Variants in SH3GL3 observed in about 807,000 individuals in gnomAD.
SH3GL3 encodes the protein endophilin-A3.
Under a neutral mutation model 47.7 loss-of-function variants are expected in SH3GL3, and 33 were observed. The ratio of observed to expected loss-of-function variants is 0.69; its 90% CI spans 0.52 to 0.92. The LOEUF (loss-of-function observed/expected upper bound fraction) is 0.92, where lower values mean the gene tolerates loss of function less well. Ranked by LOEUF, SH3GL3 falls within the 40% of genes least tolerant of loss-of-function variation. The pLI, the probability that SH3GL3 is intolerant of heterozygous loss-of-function variation, is 0.00. For missense variants in SH3GL3, 363 were observed against 417.8 expected, an observed-to-expected ratio of 0.87 and a Z score of 1.14; for synonymous variants, 155 against 148.8, an observed-to-expected ratio of 1.04 and a Z score of -0.30.
chr15:83,517,322 A>G (rs933664255), intron 1 of SH3GL3, among the ~76,000 whole-genome samples: 3 of 149,632 alleles, frequency 2.0e-5, no homozygotes, highest in African/African-American at 7.4e-5. Context: ...CTTCTGTCTC[A>G]GCCACCCGAG....
At chr15:83,466,880 C>G (rs1006186372) in intron 1 of SH3GL3, among the ~76,000 whole-genome samples, 1 of 152,144 alleles carries the variant, frequency 6.6e-6, no homozygotes, top group African/African-American at 2.4e-5. Context: ...ATATCTTTAG[C>G]CTGTTTTCTA....
intron 2 of SH3GL3, among the ~76,000 whole-genome samples, chr15:83,560,172 G>A (rs1190335221): frequency 1.3e-5 from 2 of 152,166 alleles, no homozygotes; most frequent in Admixed American, 6.5e-5. Context: ...ACCCTCAGGT[G>A]TAACATCAAG....
At chr15:83,623,661 G>C (rs2060920939), downstream of SH3GL3, among the ~76,000 whole-genome samples, 1 of 152,244 alleles carries the variant, frequency 6.6e-6, no homozygotes, top group Non-Finnish European at 1.5e-5. Context: ...TAAAGAAGTA[G>C]GGATATTAAT....
At chr15:83,593,086 T>C (rs184973853) in intron 8 of SH3GL3, among the ~76,000 whole-genome samples, 22 of 152,368 alleles carry the variant, frequency 1.4e-4, no homozygotes, top group Non-Finnish European at 2.9e-5. Flanking sequence ...ACAATTGTTG[T>C]CTTGATGACT....
intron 1 of SH3GL3, among the ~76,000 whole-genome samples, chr15:83,478,939 A>G (rs1426498219): frequency 1.3e-5 from 2 of 152,246 alleles, no homozygotes; most frequent in African/African-American, 2.4e-5. Flanking sequence ...CAAATGTTAT[A>G]AGCTTCATCC....
At chr15:83,550,135 TGA>T in intron 1 of SH3GL3, among the ~76,000 whole-genome samples, 1 of 152,328 alleles carries the variant, frequency 6.6e-6, no homozygotes, top group Admixed American at 6.5e-5. Flanking sequence ...CCTTTACTAT[TGA>T]TACTTAAAAT....
chr15:83,536,390 C>CT (rs750149499), intron 1 of SH3GL3, among the ~76,000 whole-genome samples: 1 of 109,788 alleles, frequency 9.1e-6, no homozygotes, highest in Non-Finnish European at 2.2e-5. Context: ...TTTTCTTTTT[C>CT]TTTTCTTTTC....
At chr15:83,533,726 T>A (rs1053027259) in intron 1 of SH3GL3, among the ~76,000 whole-genome samples, 2 of 151,716 alleles carry the variant, frequency 1.3e-5, no homozygotes, top group Admixed American at 1.3e-4. Context: ...GGGTTTGGAG[T>A]GTAGGATGAA....
In SH3GL3 at chr15:83,556,545, G is replaced by A. The variant is rs572177090; in HGVS notation, c.46-2708G>A. Among the ~76,000 whole-genome samples, 10 of 152,248 alleles carry A rather than the reference G, an allele frequency of 6.6e-5. 1 individual carries two copies. The East Asian group carries it at 9.6e-4, about 15-fold the overall frequency. ...GAACAAGTAAAACCTGAACAAGTGC[G>A]AACTCGTTCGGATTAAAGGGATTTC... is the stretch of plus-strand genomic sequence containing the variant. On this transcript the variant is annotated intron_variant, in intron 1 of 8. Transcript: ENST00000427482.
chr15:83,516,777 G>C (rs1415398963), intron 1 of SH3GL3, among the ~76,000 whole-genome samples: 1 of 152,100 alleles, frequency 6.6e-6, no homozygotes, highest in Non-Finnish European at 1.5e-5. Flanking sequence ...CATGAGATTT[G>C]GGTGGGGACA....
At chr15:83,609,144 C>T in intron 8 of SH3GL3, 1 of 391,952 alleles carries the variant, frequency 2.6e-6, no homozygotes, top group South Asian at 1.8e-5. Context: ...TGCTACCTCA[C>T]AGGATTATTC....
At chr15:83,495,063 G>C (rs973391600) in intron 1 of SH3GL3, among the ~76,000 whole-genome samples, 5 of 152,164 alleles carry the variant, frequency 3.3e-5, no homozygotes, top group Admixed American at 2.6e-4. Context: ...CACCTGCAGA[G>C]GGTGTATGGG....
At chr15:83,537,383 C>T (rs570624433) in intron 1 of SH3GL3, among the ~76,000 whole-genome samples, 6 of 149,672 alleles carry the variant, frequency 4.0e-5, no homozygotes, top group Admixed American at 2.6e-4. Flanking sequence ...TTTAATGAGA[C>T]TTAACAGTGT....
intron 7 of SH3GL3, among the ~76,000 whole-genome samples, chr15:83,588,281 C>T (rs2060003927): frequency 1.3e-5 from 2 of 152,134 alleles, no homozygotes; most frequent in African/African-American, 4.8e-5. Flanking sequence ...CAGGCGCCCA[C>T]CACCATGCCT....
chr15:83,449,313 G>C (rs2039615302), intron 1 of SH3GL3, among the ~76,000 whole-genome samples: 1 of 152,206 alleles, frequency 6.6e-6, no homozygotes, highest in South Asian at 2.1e-4. Context: ...ATCAACAAGT[G>C]CTTCAGTGAG....
At chr15:83,511,245 C>A (rs999188810) in intron 1 of SH3GL3, among the ~76,000 whole-genome samples, 1 of 152,140 alleles carries the variant, frequency 6.6e-6, no homozygotes, top group Non-Finnish European at 1.5e-5. Context: ...TTTCCCTTTG[C>A]AGAAAGTACC....
chr15:83,516,934 G>A (rs2043002767), intron 1 of SH3GL3, among the ~76,000 whole-genome samples: 1 of 151,552 alleles, frequency 6.6e-6, no homozygotes, highest in Non-Finnish European at 1.5e-5. Flanking sequence ...CATCCATGTT[G>A]TTCTGTATGA....
chr15:83,528,997 G>T (rs1309125704), intron 1 of SH3GL3, among the ~76,000 whole-genome samples: 2 of 152,062 alleles, frequency 1.3e-5, no homozygotes, highest in African/African-American at 4.8e-5. Context: ...TATGTTGATG[G>T]TTAGGTATAG....
chr15:83,494,796 G>A (rs1328524889), intron 1 of SH3GL3, among the ~76,000 whole-genome samples: 1 of 152,028 alleles, frequency 6.6e-6, no homozygotes. Context: ...GCTTGCCTCC[G>A]CCTCCCCAGT....
Sources: gnomAD v4.1 joint callset for allele counts (sites outside exome capture counted in the v4.1 genomes callset) on GRCh38, gnomAD v4.1.1 for gene constraint, MANE v1.5 for transcripts, NCBI Gene and HGNC (gene_info 2026-07-23, HGNC 2026-07-21) for gene names.